Variants in CNTN5 observed in about 807,000 individuals in gnomAD.
CNTN5 encodes contactin-5.
Under a neutral mutation model 129.1 loss-of-function variants are expected in CNTN5, and 77 were observed. The observed-to-expected ratio is 0.60, with a 90% CI of 0.50 to 0.72. The LOEUF is 0.72. Among genes scored for constraint, CNTN5 ranks in the 30% least tolerant of loss-of-function variants. The pLI, the probability that CNTN5 is intolerant of heterozygous loss-of-function variation, is 0.00. For synonymous variants in CNTN5, 509 were observed against 465.6 expected, an observed-to-expected ratio of 1.09 and a Z score of -1.20; for missense variants, 1,478 against 1,328.8, an observed-to-expected ratio of 1.11 and a Z score of -1.75.
At chr11:99,466,258 C>A (rs2726388) in intron 2 of CNTN5, among the ~76,000 whole-genome samples, 1 of 152,034 alleles carries the variant, frequency 6.6e-6, no homozygotes, top group South Asian at 2.1e-4. Context: ...AATCTTTCCT[C>A]ATGACCCAAT....
chr11:99,072,239 A>G (rs1865367884), intron 1 of CNTN5, among the ~76,000 whole-genome samples: 1 of 152,082 alleles, frequency 6.6e-6, no homozygotes, highest in South Asian at 2.1e-4. Context: ...CCAGAACTCA[A>G]GAATGTGCAC....
intron 21 of CNTN5, among the ~76,000 whole-genome samples, chr11:100,316,422 C>T (rs936474621): frequency 6.6e-6 from 1 of 151,946 alleles, no homozygotes; most frequent in Non-Finnish European, 1.5e-5. Context: ...TTGAAGTAAA[C>T]AAAAAAGAAA....
chr11:99,970,161 C>T (rs530653652), intron 8 of CNTN5, among the ~76,000 whole-genome samples: 3 of 152,262 alleles, frequency 2.0e-5, no homozygotes, highest in Middle Eastern at 3.4e-3. Flanking sequence ...ACTTCTAATT[C>T]CAACACTCCT....
At position 99,844,979 on chromosome 11, in the gene CNTN5, G is replaced by A. The variant is rs745907173; in HGVS notation, c.401+4G>A. The A allele has an allele frequency of 6.2e-7, 1 of 1,612,958 alleles. No homozygotes were observed. The highest frequency in any genetic ancestry group is 1.3e-5 in the African/African-American group (1 of 74,986). ...GCAATCCAGTTCCCAGTTACAGGTAGGAATTCACTGTTAATCATTTTTCTT... is the reference window on the plus strand; with the variant it reads ...GCAATCCAGTTCCCAGTTACAGGTAAGAATTCACTGTTAATCATTTTTCTT... On this transcript the variant is annotated splice_donor_region_variant and intron_variant, in intron 5 of 24. Coordinates refer to ENST00000524871, the MANE Select transcript of CNTN5 (RefSeq NM_014361.4).
intron 15 of CNTN5, among the ~76,000 whole-genome samples, chr11:100,199,023 TTC>T (rs1948713920): frequency 6.6e-6 from 1 of 151,970 alleles, no homozygotes; most frequent in Non-Finnish European, 1.5e-5. Context: ...ATTGGCAACA[TTC>T]TGTTTCCTGA....
chr11:99,242,543 A>G (rs1244009253), intron 1 of CNTN5, among the ~76,000 whole-genome samples: 1 of 152,004 alleles, frequency 6.6e-6, no homozygotes, highest in South Asian at 2.1e-4. Flanking sequence ...ACCTAGGTAC[A>G]CTGCATGTCG....
intron 21 of CNTN5, among the ~76,000 whole-genome samples, chr11:100,318,946 C>A (rs554766926): frequency 6.6e-6 from 1 of 152,256 alleles, no homozygotes; most frequent in East Asian, 1.9e-4. Context: ...TTCTTTAAAT[C>A]TGCATACAGA....
intron 4 of CNTN5, among the ~76,000 whole-genome samples, chr11:99,837,685 AAAAAAAAAAAAAAAAAAAAC>A (rs1947350496): frequency 2.3e-5 from 1 of 43,896 alleles, no homozygotes; most frequent in African/African-American, 6.6e-5. Context: ...ACACATGAGT[AAAAAAAAAAAAAAAAAAAAC>A]CTATCAAATA....
chr11:100,337,435 C>G, intron 21 of CNTN5: 5 of 754,270 alleles, frequency 6.6e-6, no homozygotes, highest in Non-Finnish European at 1.2e-5. Context: ...CTCCCTGTGG[C>G]CCAAAATCAG....
At chr11:99,329,926 C>T (rs2136022309) in intron 2 of CNTN5, among the ~76,000 whole-genome samples, 1 of 128,242 alleles carries the variant, frequency 7.8e-6, no homozygotes, top group East Asian at 2.0e-4. Context: ...CACACACACA[C>T]ACACACACAC....
At chr11:99,108,370 A>G (rs1296743948) in intron 1 of CNTN5, among the ~76,000 whole-genome samples, 5 of 152,146 alleles carry the variant, frequency 3.3e-5, no homozygotes, top group Non-Finnish European at 7.4e-5. Context: ...TGGTTATTTT[A>G]TTAGACACAG....
intron 3 of CNTN5, among the ~76,000 whole-genome samples, chr11:99,798,952 G>T (rs1946031755): frequency 6.6e-6 from 1 of 151,938 alleles, no homozygotes. Flanking sequence ...AGCAGCATTT[G>T]GTAGTTCTCT....
At chr11:99,158,342 T>C (rs1299972620) in intron 1 of CNTN5, among the ~76,000 whole-genome samples, 1 of 152,204 alleles carries the variant, frequency 6.6e-6, no homozygotes, top group Admixed American at 6.5e-5. Context: ...TGTTCGTGTC[T>C]TGGATATTCA....
chr11:100,191,261 A>G lies in CNTN5; in HGVS notation c.1708+8A>G. ...CTTCGCTATCTGTAAAAGGTAAGAC[A>G]GCACGGGTAAATGTTTTACAAGCAT... On this transcript the variant is annotated splice_region_variant and intron_variant, in intron 14 of 24. Transcript: ENST00000524871. 6.2e-7 allele frequency: 1 copy of G among 1,607,938 alleles called. No individual in the cohort carries two copies. The highest frequency in any genetic ancestry group is 8.5e-7 in the Non-Finnish European group (1 of 1,177,076).
intron 1 of CNTN5, among the ~76,000 whole-genome samples, chr11:99,093,043 A>T (rs1866318589): frequency 6.6e-6 from 1 of 152,164 alleles, no homozygotes; most frequent in Admixed American, 6.5e-5. Context: ...AATTATTTGT[A>T]TAGAATTTCT....
chr11:99,117,884 A>G (rs535107217), intron 1 of CNTN5, among the ~76,000 whole-genome samples: 2 of 152,260 alleles, frequency 1.3e-5, no homozygotes, highest in South Asian at 4.1e-4. Context: ...CAGTCTCCAG[A>G]ACTGTGGGAA....
chr11:99,376,205 T>C (rs1940170359), intron 2 of CNTN5, among the ~76,000 whole-genome samples: 1 of 152,170 alleles, frequency 6.6e-6, no homozygotes, highest in Non-Finnish European at 1.5e-5. Context: ...GTACCTTTTG[T>C]TCCAGGGACC....
At chr11:99,845,341 G>A in intron 6 of CNTN5, 79 bp downstream of exon 6, 1 of 415,220 alleles carries the variant, frequency 2.4e-6, no homozygotes, top group Non-Finnish European at 4.0e-6. Flanking sequence ...TTTAGTTCAG[G>A]AAAGAAAAGC....
intron 1 of CNTN5, among the ~76,000 whole-genome samples, chr11:99,032,452 T>G (rs975104963): frequency 9.5e-5 from 14 of 147,964 alleles, no homozygotes; most frequent in Non-Finnish European, 2.0e-4. Flanking sequence ...TTTTAATGAT[T>G]GCCATTCTAA....
Sources: allele counts gnomAD v4.1 joint callset (sites outside exome capture counted in the v4.1 genomes callset), GRCh38; gene constraint gnomAD v4.1.1; transcripts MANE v1.5; gene names NCBI Gene and HGNC (gene_info 2026-07-23, HGNC 2026-07-21).